The following ADGRL3 variants were observed in gnomAD, a reference collection of about 807,000 sequenced individuals.
ADGRL3 encodes calcium-independent alpha-latrotoxin receptor 3.
Under a neutral mutation model 153.5 loss-of-function variants are expected in ADGRL3, and 62 were observed. The ratio of observed to expected loss-of-function variants is 0.40; its 90% confidence interval spans 0.33 to 0.50. The LOEUF (loss-of-function observed/expected upper bound fraction) is 0.50. ADGRL3 is among the 20% of genes least tolerant of loss of function. The pLI is 0.47. For synonymous variants in ADGRL3, 710 were observed against 672.5 expected (o/e 1.06, Z -0.86); for missense variants, 1,641 against 1,859.4 (o/e 0.88, Z 2.16).
At chr4:61,958,287 C>T (rs2098975035) in intron 17 of ADGRL3, among the ~76,000 whole-genome samples, 1 of 152,116 alleles carries the variant, frequency 6.6e-6, no homozygotes, top group Non-Finnish European at 1.5e-5. Flanking sequence ...GGTATAAGAC[C>T]TCTTACATAT....
intron 2 of ADGRL3, among the ~76,000 whole-genome samples, chr4:61,439,264 A>G (rs1560634641): frequency 6.6e-6 from 1 of 152,146 alleles, no homozygotes. Flanking sequence ...TTGTGAGGCC[A>G]CTGTACTTAG....
At chr4:61,535,813 C>G (rs2098652394) in intron 4 of ADGRL3, among the ~76,000 whole-genome samples, 1 of 151,842 alleles carries the variant, frequency 6.6e-6, no homozygotes, top group African/African-American at 2.4e-5. Context: ...GTTAATCTAG[C>G]TGGCATCTAT....
intron 1 of ADGRL3, among the ~76,000 whole-genome samples, chr4:61,217,385 T>C (rs1380442698): frequency 1.3e-5 from 2 of 152,168 alleles, no homozygotes; most frequent in Non-Finnish European, 2.9e-5. Context: ...CTCTCTTCAC[T>C]TTCTGTCATC....
At chr4:61,373,010 C>G (rs1321747957) in intron 1 of ADGRL3, among the ~76,000 whole-genome samples, 3 of 152,198 alleles carry the variant, frequency 2.0e-5, no homozygotes, top group Non-Finnish European at 4.4e-5. Flanking sequence ...GTCGGTCACC[C>G]CTTTCTTTGA....
chr4:62,055,568 G>A (rs1159456066), intron 25 of ADGRL3, among the ~76,000 whole-genome samples: 1 of 151,720 alleles, frequency 6.6e-6, no homozygotes, highest in Non-Finnish European at 1.5e-5. Flanking sequence ...TTTTGACTCT[G>A]TAATGTCATT....
intron 4 of ADGRL3, among the ~76,000 whole-genome samples, chr4:61,543,142 A>T (rs866239533): frequency 2.6e-5 from 2 of 78,416 alleles, no homozygotes; most frequent in Non-Finnish European, 2.8e-5. Context: ...CCTCCCCCCC[A>T]CCCCCCCACC....
chr4:61,214,948 A>G (rs1302084534), intron 1 of ADGRL3, among the ~76,000 whole-genome samples: 11 of 152,128 alleles, frequency 7.2e-5, no homozygotes, highest in Admixed American at 7.2e-4. Context: ...TTAAAAAAAA[A>G]ATCAATAAAA....
At chr4:62,007,453 TATAC>T (rs1360054030) in intron 21 of ADGRL3, among the ~76,000 whole-genome samples, 9 of 131,088 alleles carry the variant, frequency 6.9e-5, no homozygotes, top group Non-Finnish European at 1.3e-4. Flanking sequence ...CACACATATA[TATAC>T]ATATATGTGT....
At chr4:61,358,770 C>A (rs1376139564) in intron 1 of ADGRL3, among the ~76,000 whole-genome samples, 2 of 152,174 alleles carry the variant, frequency 1.3e-5, no homozygotes, top group South Asian at 4.1e-4. Context: ...ATTCCCAAAT[C>A]TCCGTCTTGG....
At chr4:61,392,708 A>AAAAAAAAAAAAGT (rs1560565678) in intron 2 of ADGRL3, among the ~76,000 whole-genome samples, 2 of 92,738 alleles carry the variant, frequency 2.2e-5, no homozygotes, top group East Asian at 3.3e-4. Flanking sequence ...AAAAAAAAAG[A>AAAAAAAAAAAAGT]AAAAGGAAAA....
chr4:61,231,113 A>T (rs1750446460), intron 1 of ADGRL3, among the ~76,000 whole-genome samples: 1 of 152,228 alleles, frequency 6.6e-6, no homozygotes, highest in Non-Finnish European at 1.5e-5. Flanking sequence ...TTGGGAGTGG[A>T]TCAACAATGA....
chr4:61,922,361 A>G (rs2098773865), intron 13 of ADGRL3, among the ~76,000 whole-genome samples: 1 of 152,316 alleles, frequency 6.6e-6, no homozygotes, highest in African/African-American at 2.4e-5. Flanking sequence ...AAAATTGATC[A>G]AGTCTTATAG....
At chr4:61,854,930 A>C (rs1221926888) in intron 9 of ADGRL3, among the ~76,000 whole-genome samples, 1 of 152,144 alleles carries the variant, frequency 6.6e-6, no homozygotes, top group African/African-American at 2.4e-5. Flanking sequence ...AGACAAACAC[A>C]GATTTAAGGA....
chr4:61,754,573 T>TCC (rs2096797275), intron 8 of ADGRL3, among the ~76,000 whole-genome samples: 1 of 151,864 alleles, frequency 6.6e-6, no homozygotes, highest in African/African-American at 2.4e-5. Flanking sequence ...ACCCAATGGG[T>TCC]TCACCTTGCC....
chr4:61,847,368 T>C (rs1482897604), intron 9 of ADGRL3, among the ~76,000 whole-genome samples: 1 of 150,592 alleles, frequency 6.6e-6, no homozygotes, highest in Non-Finnish European at 1.5e-5. Flanking sequence ...AAGTTACAGA[T>C]CAAGCAGCAG....
chr4:61,236,134 C>T (rs983423417), intron 1 of ADGRL3, among the ~76,000 whole-genome samples: 8 of 151,188 alleles, frequency 5.3e-5, no homozygotes, highest in African/African-American at 1.9e-4. Context: ...CTCAACCTCC[C>T]AAGTAGGTGG....
chr4:61,986,193 A>C (rs921381821), intron 19 of ADGRL3, among the ~76,000 whole-genome samples: 1 of 152,138 alleles, frequency 6.6e-6, no homozygotes, highest in African/African-American at 2.4e-5. Context: ...ATTTTTCTCA[A>C]TGCATTTTCT....
intron 1 of ADGRL3, among the ~76,000 whole-genome samples, chr4:61,304,964 G>T (rs984281513): frequency 3.3e-5 from 5 of 152,162 alleles, no homozygotes; most frequent in African/African-American, 1.2e-4. Flanking sequence ...CCTATATGTT[G>T]TCTTTGGAGA....
chr4:61,422,450 C>T (rs1189035952), intron 2 of ADGRL3, among the ~76,000 whole-genome samples: 1 of 152,074 alleles, frequency 6.6e-6, no homozygotes. Flanking sequence ...TATTCACAAA[C>T]ATGCCATGTT....
Sources: allele counts gnomAD v4.1 joint callset (sites outside exome capture counted in the v4.1 genomes callset), GRCh38; gene constraint gnomAD v4.1.1; transcripts MANE v1.5; gene names NCBI Gene and HGNC (gene_info 2026-07-23, HGNC 2026-07-21).